Variants in COL25A1 observed in about 807,000 individuals in gnomAD.
COL25A1 encodes collagen alpha-1(XXV) chain.
In COL25A1, 103 loss-of-function variants were observed where a neutral mutation model predicts 128.4. The ratio of observed to expected loss-of-function variants is 0.80; its 90% CI spans 0.68 to 0.94. The LOEUF is 0.94. Among genes scored for constraint, COL25A1 ranks in the 40% least tolerant of loss-of-function variants. COL25A1 has a pLI of 0.00. For synonymous variants in COL25A1, 279 were observed against 277.2 expected, an observed-to-expected ratio of 1.01 and a Z score of -0.06; for missense variants, 745 against 840.0, an observed-to-expected ratio of 0.89 and a Z score of 1.40.
chr4:108,974,482 C>T (rs369178928), intron 7 of COL25A1, 51 bp downstream of exon 7: 270 of 1,608,086 alleles, frequency 1.7e-4, no homozygotes, highest in Non-Finnish European at 2.2e-4. Flanking sequence ...CAGTATAGGT[C>T]ACGCCAATAT....
chr4:108,900,505 C>G (rs1454165029), intron 14 of COL25A1, among the ~76,000 whole-genome samples: 1 of 152,144 alleles, frequency 6.6e-6, no homozygotes, highest in Non-Finnish European at 1.5e-5. Flanking sequence ...ATTTGGCTGC[C>G]TGCTTGATTT....
intron 3 of COL25A1, among the ~76,000 whole-genome samples, chr4:109,113,477 C>T (rs1023386170): frequency 6.6e-6 from 1 of 152,058 alleles, no homozygotes; most frequent in Non-Finnish European, 1.5e-5. Context: ...AATATTATTA[C>T]ATTTGCTCTA....
chr4:109,286,287 C>T (rs1199608303), intron 3 of COL25A1, among the ~76,000 whole-genome samples: 3 of 152,212 alleles, frequency 2.0e-5, no homozygotes, highest in Non-Finnish European at 4.4e-5. Context: ...ACAATACTAT[C>T]ATCAAACACA....
At chr4:108,949,756 C>T (rs1403075464) in intron 8 of COL25A1, among the ~76,000 whole-genome samples, 3 of 152,040 alleles carry the variant, frequency 2.0e-5, no homozygotes, top group Non-Finnish European at 2.9e-5. Flanking sequence ...AGGATGGTCT[C>T]GTTCTCTTGA....
chr4:109,243,165 C>A (rs1167620071), intron 3 of COL25A1, among the ~76,000 whole-genome samples: 1 of 152,032 alleles, frequency 6.6e-6, no homozygotes, highest in Non-Finnish European at 1.5e-5. Context: ...ACTAATAGTT[C>A]TATTCATAAA....
intron 3 of COL25A1, among the ~76,000 whole-genome samples, chr4:109,273,306 G>A (rs774055178): frequency 1.3e-5 from 2 of 151,876 alleles, no homozygotes; most frequent in Non-Finnish European, 2.9e-5. Flanking sequence ...AAAATTAATC[G>A]TGTAAAAAAT....
intron 16 of COL25A1, among the ~76,000 whole-genome samples, chr4:108,892,858 G>A (rs1463586214): frequency 6.6e-6 from 1 of 152,176 alleles, no homozygotes; most frequent in Non-Finnish European, 1.5e-5. Context: ...TATAAATTAA[G>A]TTTACAGCGG....
chr4:109,263,865 T>G (rs1030437189), intron 3 of COL25A1, among the ~76,000 whole-genome samples: 2 of 152,186 alleles, frequency 1.3e-5, no homozygotes, highest in East Asian at 3.8e-4. Context: ...GCACACCTCC[T>G]CAACATTCAT....
At chr4:109,218,427 G>A (rs1250270174) in intron 3 of COL25A1, among the ~76,000 whole-genome samples, 1 of 120,502 alleles carries the variant, frequency 8.3e-6, no homozygotes, top group African/African-American at 3.2e-5. Context: ...AAAAAGAGAA[G>A]CCCCATGAAA....
intron 3 of COL25A1, among the ~76,000 whole-genome samples, chr4:109,070,470 A>G (rs1016128802): frequency 2.6e-5 from 4 of 152,046 alleles, no homozygotes; most frequent in Non-Finnish European, 5.9e-5. Context: ...TCATTTTAGA[A>G]TAATTACAAA....
At chr4:109,254,951 A>G (rs949449193) in intron 3 of COL25A1, among the ~76,000 whole-genome samples, 11 of 152,222 alleles carry the variant, frequency 7.2e-5, no homozygotes, top group African/African-American at 2.4e-4. Context: ...GCACTGAGCT[A>G]AGTGCTTTCG....
At chr4:108,901,207 T>C (rs768975761) in intron 13 of COL25A1, 35 bp from the exon 14 acceptor site, 13 of 1,465,204 alleles carry the variant, frequency 8.9e-6, no homozygotes, top group Non-Finnish European at 1.1e-5. Flanking sequence ...CTAAGTAAAA[T>C]AGACAAAATC....
At chr4:108,843,531 C>T (rs938422347) in intron 30 of COL25A1, among the ~76,000 whole-genome samples, 5 of 152,182 alleles carry the variant, frequency 3.3e-5, no homozygotes, top group Non-Finnish European at 5.9e-5. Context: ...GAGAATTATA[C>T]TTGCTTAATG....
chr4:108,869,224 AAAC>A (rs761038871), intron 19 of COL25A1, 74 bp from the exon 20 acceptor site: 7 of 823,070 alleles, frequency 8.5e-6, no homozygotes, highest in Non-Finnish European at 1.3e-5. Context: ...AAATAAATAA[AAAC>A]TAAACTCATT....
intron 8 of COL25A1, among the ~76,000 whole-genome samples, chr4:108,960,824 T>C (rs1256511217): frequency 6.6e-6 from 1 of 152,158 alleles, no homozygotes; most frequent in African/African-American, 2.4e-5. Context: ...GGACTCTATT[T>C]GGAAGTCAGA....
chr4:108,818,859 CTT>C (rs34144135), intron 36 of COL25A1, among the ~76,000 whole-genome samples: 73,598 of 147,818 alleles, frequency 0.5, 18,836 homozygotes, highest in Middle Eastern at 0.65. Context: ...GCAGAAATAC[CTT>C]TTTTTTTTTT....
chr4:109,087,880 T>C (rs776928440), intron 3 of COL25A1, among the ~76,000 whole-genome samples: 2 of 152,032 alleles, frequency 1.3e-5, no homozygotes, highest in Non-Finnish European at 2.9e-5. Flanking sequence ...CTGTGATTAT[T>C]ATTTAAACCT....
chr4:109,058,129 C>G lies in COL25A1; in HGVS notation c.368-7950G>C, dbSNP rs543478988. On this transcript the variant is annotated intron_variant, in intron 3 of 37. Transcript: ENST00000399132. ...AGAAACTGTTCAAGACTACAAATAG[C>G]CTGATGTTGCAGTTCATTGACTTTA... Among the ~76,000 whole-genome samples the G allele has an allele frequency of 3.9e-5, 6 of 152,198 alleles. No individual in the cohort carries two copies. The East Asian group carries it at 1.2e-3, about 29-fold the overall frequency.
chr4:108,894,680 T>C (rs1031160532), intron 16 of COL25A1, among the ~76,000 whole-genome samples: 6 of 152,196 alleles, frequency 3.9e-5, no homozygotes, highest in Non-Finnish European at 5.9e-5. Flanking sequence ...AAAATATTTA[T>C]GTTCTGGTAC....
Sources: gnomAD v4.1 joint callset for allele counts (sites outside exome capture counted in the v4.1 genomes callset) on GRCh38, gnomAD v4.1.1 for gene constraint, MANE v1.5 for transcripts, NCBI Gene and HGNC (gene_info 2026-07-23, HGNC 2026-07-21) for gene names.